TSPAN12: variants seen among roughly 807,000 people sequenced by gnomAD.
The protein encoded by TSPAN12 is tetraspanin-12.
A neutral mutation model predicts 39.2 loss-of-function variants in TSPAN12; 19 were observed. That is an observed-to-expected ratio of 0.49 (90% CI 0.34 to 0.71). The LOEUF (loss-of-function observed/expected upper bound fraction) is 0.71, where lower values mean the gene tolerates loss of function less well. TSPAN12 is among the 30% of genes least tolerant of loss of function. TSPAN12 has a pLI of 0.01. For synonymous variants in TSPAN12, 119 were observed against 124.8 expected (o/e 0.95, Z 0.31); for missense variants, 314 against 359.9 (o/e 0.87, Z 1.03).
chr7:120,794,493 C>T (rs1214863286), intron 7 of TSPAN12, among the ~76,000 whole-genome samples: 3 of 152,162 alleles, frequency 2.0e-5, no homozygotes, highest in East Asian at 1.9e-4. Context: ...TCTCTCTCTC[C>T]GGTTCCTGCT....
chr7:120,788,373 T>C lies in TSPAN12; in HGVS notation c.*219A>G, dbSNP rs991862312. 2 of 579,462 alleles carry C rather than the reference T, an allele frequency of 3.5e-6. No individual in the cohort carries two copies. Among genetic ancestry groups the C allele is most frequent in the African/African-American group, 3.7e-5 (2 of 53,344 alleles). 35.9% of individuals were successfully genotyped at this position (579,462 alleles called of 1,614,324 possible). On this transcript the variant is annotated 3_prime_UTR_variant, in exon 8 of 8. Transcript: ENST00000222747. ...CACAGGCTACACAGTGGGTATGACA[T>C]CTGTCTTCAGCATTTTAAGGGCATC...
intron 2 of TSPAN12, among the ~76,000 whole-genome samples, chr7:120,854,930 C>T (rs1159535277): frequency 6.6e-6 from 1 of 152,088 alleles, no homozygotes; most frequent in Non-Finnish European, 1.5e-5. Flanking sequence ...ACACACCACA[C>T]ACAAACATAG....
At chr7:120,846,973 A>G (rs989350439) in intron 2 of TSPAN12, among the ~76,000 whole-genome samples, 15 of 152,190 alleles carry the variant, frequency 9.9e-5, no homozygotes, top group African/African-American at 3.1e-4. Context: ...GCAACATGAC[A>G]TGGTAAGCAA....
At chr7:120,845,938 G>A (rs1794660646) in intron 2 of TSPAN12, among the ~76,000 whole-genome samples, 1 of 152,158 alleles carries the variant, frequency 6.6e-6, no homozygotes, top group African/African-American at 2.4e-5. Context: ...TTCTAGCATT[G>A]CCATAAAGTA....
chr7:120,836,343 G>A (rs1482098412), intron 4 of TSPAN12, among the ~76,000 whole-genome samples: 1 of 152,086 alleles, frequency 6.6e-6, no homozygotes, highest in Non-Finnish European at 1.5e-5. Context: ...GAGAGGAGAG[G>A]CACCCCAAAG....
chr7:120,789,851 T>C (rs1793486744), intron 7 of TSPAN12, among the ~76,000 whole-genome samples: 1 of 152,164 alleles, frequency 6.6e-6, no homozygotes, highest in Admixed American at 6.5e-5. Flanking sequence ...GGGGGCCACG[T>C]ATGTTCAACA....
intron 7 of TSPAN12, among the ~76,000 whole-genome samples, chr7:120,798,102 CAGAAT>C (rs1449652440): frequency 6.6e-6 from 1 of 152,042 alleles, no homozygotes; most frequent in Admixed American, 6.6e-5. Flanking sequence ...ATTGAATAGA[CAGAAT>C]AGAGAACAGG....
At chr7:120,840,845 T>A (rs1005896070) in intron 2 of TSPAN12, among the ~76,000 whole-genome samples, 6 of 152,234 alleles carry the variant, frequency 3.9e-5, no homozygotes, top group African/African-American at 1.4e-4. Context: ...TTCTAGAGCA[T>A]CACCATTTAA....
At chr7:120,857,672 G>T (rs946931569) in intron 1 of TSPAN12, 148 bp downstream of exon 1, 1 of 152,182 alleles carries the variant, frequency 6.6e-6, no homozygotes, top group African/African-American at 2.4e-5. Flanking sequence ...TCGCGTCCGC[G>T]CGCCCCCGGC....
At chr7:120,848,728 C>T (rs547702193) in intron 2 of TSPAN12, among the ~76,000 whole-genome samples, 4 of 152,198 alleles carry the variant, frequency 2.6e-5, no homozygotes, top group African/African-American at 9.6e-5. Context: ...CTATAGTAAA[C>T]AAGCAACCCT....
intron 4 of TSPAN12, among the ~76,000 whole-genome samples, chr7:120,820,333 C>G (rs1210433843): frequency 1.3e-5 from 2 of 152,126 alleles, no homozygotes; most frequent in Non-Finnish European, 2.9e-5. Flanking sequence ...CCCCCTTTTA[C>G]AGTTGCCATC....
chr7:120,803,675 T>A (rs2116338142), intron 7 of TSPAN12, among the ~76,000 whole-genome samples: 1 of 152,288 alleles, frequency 6.6e-6, no homozygotes, highest in East Asian at 1.9e-4. Context: ...CTAAAGAACA[T>A]CTCATGGCTG....
intron 2 of TSPAN12, among the ~76,000 whole-genome samples, chr7:120,844,967 A>T (rs1414083611): frequency 6.6e-6 from 1 of 152,200 alleles, no homozygotes; most frequent in East Asian, 1.9e-4. Flanking sequence ...TTGCCTGGAT[A>T]TCCAGGCATT....
chr7:120,798,454 CCACTGAA>C (rs986524284), intron 7 of TSPAN12, among the ~76,000 whole-genome samples: 3 of 152,150 alleles, frequency 2.0e-5, no homozygotes, highest in African/African-American at 7.2e-5. Flanking sequence ...ATCTAAATAA[CCACTGAA>C]CCTGCAAACT....
intron 7 of TSPAN12, among the ~76,000 whole-genome samples, chr7:120,799,903 TATATTTATTATATTAA>T (rs1239822708): frequency 2.1e-5 from 3 of 142,932 alleles, no homozygotes; most frequent in South Asian, 2.1e-4. Flanking sequence ...AAATATTTAA[TATATTTATTATATTAA>T]ATATTTATTA....
intron 2 of TSPAN12, among the ~76,000 whole-genome samples, chr7:120,848,528 T>A (rs190209444): frequency 6.6e-6 from 1 of 152,236 alleles, no homozygotes; most frequent in Admixed American, 6.5e-5. Flanking sequence ...AGAAGAAAGA[T>A]GGTTTCTGAA....
intron 7 of TSPAN12, among the ~76,000 whole-genome samples, chr7:120,802,252 G>A (rs1241967582): frequency 6.6e-6 from 1 of 152,228 alleles, no homozygotes; most frequent in Non-Finnish European, 1.5e-5. Flanking sequence ...GAACAGGGGA[G>A]TGGGCTGTCA....
At chr7:120,810,109 A>C (rs930414607) in intron 6 of TSPAN12, among the ~76,000 whole-genome samples, 5 of 152,208 alleles carry the variant, frequency 3.3e-5, no homozygotes, top group African/African-American at 9.6e-5. Context: ...ATTATGTTTA[A>C]AATATTGAGA....
chr7:120,789,204 T>C (rs758226748), intron 7 of TSPAN12, among the ~76,000 whole-genome samples: 8 of 152,192 alleles, frequency 5.3e-5, no homozygotes, highest in Middle Eastern at 3.2e-3. Flanking sequence ...TTGTTTTCTT[T>C]TTTTAGAGAG....
Sources: gnomAD v4.1 joint callset for allele counts (sites outside exome capture counted in the v4.1 genomes callset) on GRCh38, gnomAD v4.1.1 for gene constraint, MANE v1.5 for transcripts, NCBI Gene and HGNC (gene_info 2026-07-23, HGNC 2026-07-21) for gene names.